The following DSCAML1 variants were observed in gnomAD, a reference collection of about 807,000 sequenced individuals.
The protein encoded by DSCAML1 is DS cell adhesion molecule like 1.
In DSCAML1, 38 loss-of-function variants were observed where a neutral mutation model predicts 200.5. That is an observed-to-expected ratio of 0.19 (90% CI 0.15 to 0.25). The LOEUF is 0.25. Among genes scored for constraint, DSCAML1 ranks in the 10% least tolerant of loss-of-function variants. The pLI is 1.00. For synonymous variants in DSCAML1, 1,215 were observed against 1,165.0 expected (o/e 1.04, Z -0.87); for missense variants, 2,223 against 2,858.8 (o/e 0.78, Z 5.07).
chr11:117,615,547 G>A (rs1413488802), intron 3 of DSCAML1, among the ~76,000 whole-genome samples: 2 of 152,048 alleles, frequency 1.3e-5, no homozygotes, highest in East Asian at 1.9e-4. Context: ...GGTCTTCAGG[G>A]GCAGTTTTAG....
In DSCAML1 at chr11:117,565,922, G is replaced by A. The variant is rs2050747869; in HGVS notation, c.512-33400C>T. ...CCACACAGCAGGCTCATTCTGAGAT[G>A]GGCAGATATCTCTTGGACAACTGTC... On this transcript the variant is annotated intron_variant, in intron 3 of 32. Coordinates refer to ENST00000651296, the MANE Select transcript of DSCAML1 (RefSeq NM_020693.4). 2.0e-5 allele frequency among the ~76,000 whole-genome samples: 3 copies of A among 152,202 alleles called. No individual in the cohort carries two copies. The South Asian group carries it at 6.2e-4, about 32-fold the overall frequency.
chr11:117,619,366 G>A (rs2051878944), intron 3 of DSCAML1, among the ~76,000 whole-genome samples: 12 of 152,216 alleles, frequency 7.9e-5, no homozygotes, highest in Admixed American at 7.8e-4. Context: ...AGTGCCCCTG[G>A]GTCAGGAGGG....
chr11:117,513,851 C>A (rs892189519), intron 8 of DSCAML1, among the ~76,000 whole-genome samples: 1 of 152,040 alleles, frequency 6.6e-6, no homozygotes, highest in African/African-American at 2.4e-5. Context: ...CACACACTGT[C>A]TGGCACTGTG....
intron 14 of DSCAML1, among the ~76,000 whole-genome samples, chr11:117,473,559 T>G (rs1051911078): frequency 6.6e-6 from 1 of 152,024 alleles, no homozygotes; most frequent in Admixed American, 6.6e-5. Flanking sequence ...ATCAGGAGAA[T>G]TGGTTCACCA....
chr11:117,539,332 G>C (rs561180937), intron 3 of DSCAML1, among the ~76,000 whole-genome samples: 1 of 152,082 alleles, frequency 6.6e-6, no homozygotes, highest in Non-Finnish European at 1.5e-5. Flanking sequence ...TCTAGGCTGG[G>C]CGCAGTGGCT....
chr11:117,497,886 C>G (rs375116218), intron 11 of DSCAML1, among the ~76,000 whole-genome samples: 1 of 152,274 alleles, frequency 6.6e-6, no homozygotes, highest in East Asian at 1.9e-4. Context: ...GCTGCCCCGC[C>G]TCCTCCCCCT....
At chr11:117,760,120 A>C (rs1263825703) in intron 3 of DSCAML1, among the ~76,000 whole-genome samples, 1 of 152,194 alleles carries the variant, frequency 6.6e-6, no homozygotes, top group East Asian at 1.9e-4. Context: ...GTGGGATGCG[A>C]AGTCCACCTC....
intron 3 of DSCAML1, among the ~76,000 whole-genome samples, chr11:117,725,091 G>A (rs959570827): frequency 6.6e-6 from 1 of 152,168 alleles, no homozygotes. Flanking sequence ...AAATAGGAGG[G>A]ATTTGCTTCC....
intron 3 of DSCAML1, among the ~76,000 whole-genome samples, chr11:117,575,519 A>G (rs1449107846): frequency 6.6e-6 from 1 of 152,190 alleles, no homozygotes; most frequent in African/African-American, 2.4e-5. Flanking sequence ...ATCTGGTTTG[A>G]TAAAGCTTCT....
rs936817547 is a variant in DSCAML1, at chr11:117,642,582, T to C, written c.512-110060A>G. Reference sequence around the variant, plus strand: ...TGGAAGGAGCAATGGTGAGACACAGTGGGGCTGTATCCCTGTGGATGGACA... The same window carrying C: ...TGGAAGGAGCAATGGTGAGACACAGCGGGGCTGTATCCCTGTGGATGGACA... On this transcript the variant is annotated intron_variant, in intron 3 of 32. Coordinates refer to ENST00000651296, the MANE Select transcript of DSCAML1 (RefSeq NM_020693.4). The surrounding 1 kb of genome is among the most constrained non-coding windows in gnomAD (Gnocchi z 4.1). 5.3e-5 allele frequency among the ~76,000 whole-genome samples: 8 copies of C among 152,264 alleles called. No individual in the cohort carries two copies. Among genetic ancestry groups the C allele is most frequent in the African/African-American group, 1.9e-4 (8 of 41,536 alleles).
intron 3 of DSCAML1, among the ~76,000 whole-genome samples, chr11:117,753,440 C>T (rs2054634578): frequency 6.6e-6 from 1 of 152,138 alleles, no homozygotes; most frequent in Admixed American, 6.5e-5. Flanking sequence ...GAGTCTGCTC[C>T]GTTGTCAACC....
intron 3 of DSCAML1, among the ~76,000 whole-genome samples, chr11:117,714,025 A>G (rs2187183): frequency 0.95 from 145,125 of 152,290 alleles, 69,326 homozygotes; most frequent in South Asian, 0.99. Flanking sequence ...TGTGTGTGGC[A>G]CTGGGCAAAT....
At chr11:117,815,478 C>T (rs1441087092) in intron 1 of DSCAML1, among the ~76,000 whole-genome samples, 3 of 152,166 alleles carry the variant, frequency 2.0e-5, no homozygotes, top group Non-Finnish European at 2.9e-5. Context: ...CAGCTCAGAA[C>T]ATTGCCCTCT....
intron 3 of DSCAML1, among the ~76,000 whole-genome samples, chr11:117,557,795 G>A (rs1373838979): frequency 1.3e-5 from 2 of 150,346 alleles, no homozygotes; most frequent in African/African-American, 5.0e-5. Context: ...GGCTTTAGGG[G>A]CCTAGATCTA....
intron 11 of DSCAML1, among the ~76,000 whole-genome samples, chr11:117,491,638 G>A (rs1412790877): frequency 1.3e-5 from 2 of 152,214 alleles, no homozygotes; most frequent in African/African-American, 2.4e-5. Flanking sequence ...GCTGGGCATG[G>A]TGGCGTGTGC....
chr11:117,817,304 A>G (rs1186752619), intron 1 of DSCAML1: 1 of 152,392 alleles, frequency 6.6e-6, no homozygotes, highest in Non-Finnish European at 1.5e-5. Context: ...CCCTCTCCCC[A>G]GATGGTGAAA....
At chr11:117,508,199 A>T (rs1258950388) in intron 8 of DSCAML1, among the ~76,000 whole-genome samples, 2 of 151,808 alleles carry the variant, frequency 1.3e-5, no homozygotes, top group Non-Finnish European at 2.9e-5. Context: ...CCCCTGGGAA[A>T]CTCCCCTATA....
intron 3 of DSCAML1, among the ~76,000 whole-genome samples, chr11:117,659,378 A>C (rs1711880299): frequency 6.6e-6 from 1 of 152,216 alleles, no homozygotes; most frequent in Non-Finnish European, 1.5e-5. Flanking sequence ...TTGTTTAACA[A>C]CTGGAAACTG....
At chr11:117,525,108 C>T (rs1031070476) in intron 4 of DSCAML1, 25 bp from the exon 5 acceptor site, 2 of 1,505,602 alleles carry the variant, frequency 1.3e-6, no homozygotes, top group Admixed American at 4.8e-5. Flanking sequence ...GGGTCGGCAG[C>T]CCTGGCCAGC....
Sources: gnomAD v4.1 joint callset for allele counts (sites outside exome capture counted in the v4.1 genomes callset) on GRCh38, gnomAD v4.1.1 for gene constraint, Gnocchi (gnomAD v3.1) non-coding constraint, MANE v1.5 for transcripts, NCBI Gene and HGNC (gene_info 2026-07-23, HGNC 2026-07-21) for gene names.